PIEZO2: variants seen among roughly 807,000 people sequenced by gnomAD.
PIEZO2 encodes the protein piezo-type mechanosensitive ion channel component 2.
PIEZO2 carries 172 observed loss-of-function variants against 337.3 expected under a neutral mutation model. The observed-to-expected ratio is 0.51, with a 90% CI of 0.45 to 0.58. The LOEUF is 0.58. Among genes scored for constraint, PIEZO2 ranks in the 20% least tolerant of loss-of-function variants. PIEZO2 has a pLI of 0.00. For synonymous variants in PIEZO2, 1,251 were observed against 1,228.5 expected (o/e 1.02, Z -0.38); for missense variants, 3,028 against 3,391.3 (o/e 0.89, Z 2.66).
chr18:11,097,299 G>A lies in PIEZO2; in HGVS notation c.65-31077C>T, dbSNP rs1378841181. On this transcript the variant is annotated intron_variant, in intron 1 of 55. Coordinates refer to ENST00000674853, the MANE Select transcript of PIEZO2 (RefSeq NM_001378183.1). This position sits in a 1 kb window ranked among gnomAD's most constrained non-coding sequence, Gnocchi z 5.0. ...TGTCCATCAGTGAAGTTTTCTTGGA[G>A]CCAAGTCAGGCTCCTTCTTCTAAGT... Among the ~76,000 whole-genome samples, 1 of 152,154 alleles carries A rather than the reference G, an allele frequency of 6.6e-6. No individual in the cohort carries two copies. Among genetic ancestry groups the A allele is most frequent in the Non-Finnish European group, 1.5e-5 (1 of 68,028 alleles).
intron 3 of PIEZO2, among the ~76,000 whole-genome samples, chr18:10,949,734 C>G (rs141114329): frequency 7.9e-4 from 121 of 152,234 alleles, no homozygotes; most frequent in African/African-American, 2.7e-3. Flanking sequence ...CTTTCCAGAC[C>G]CTCTAAGAAG....
At chr18:10,754,454 C>T (rs1391181771) in intron 27 of PIEZO2, among the ~76,000 whole-genome samples, 3 of 152,186 alleles carry the variant, frequency 2.0e-5, no homozygotes, top group African/African-American at 4.8e-5. Context: ...TGAGTGGGGT[C>T]ACTTTTCTGG....
At chr18:10,890,985 CT>C (rs202101206) in intron 4 of PIEZO2, among the ~76,000 whole-genome samples, 7 of 151,674 alleles carry the variant, frequency 4.6e-5, no homozygotes, top group African/African-American at 7.3e-5. Context: ...GTAAGAGTAA[CT>C]TTTTTTTTCC....
chr18:10,730,032 T>C (rs1393804337), intron 36 of PIEZO2, among the ~76,000 whole-genome samples: 1 of 152,246 alleles, frequency 6.6e-6, no homozygotes, highest in Non-Finnish European at 1.5e-5. Flanking sequence ...TTTTTTGTTA[T>C]TAACAAATAG....
Position 10,766,756 on chromosome 18 carries a change from GT to G in PIEZO2, c.2946+3391del, listed in dbSNP as rs2038375451. Among the ~76,000 whole-genome samples the G allele has an allele frequency of 1.3e-5, 2 of 152,332 alleles. No individual in the cohort carries two copies. The highest frequency in any genetic ancestry group is 1.5e-5 in the Non-Finnish European group (1 of 68,034). On this transcript the variant is annotated intron_variant, in intron 21 of 55. Transcript: ENST00000674853. The surrounding 1 kb of genome is among the most constrained non-coding windows in gnomAD (Gnocchi z 6.1). The stretch of plus-strand genomic sequence containing the variant: ...AGCACAGCAGTTATTATCACTTTTA[GT>G]TTTATTTGGCAGCCATTCCCATCAG...
In PIEZO2 at chr18:10,775,239, G is replaced by A. The variant is rs937979913; in HGVS notation, c.2535-1201C>T. Among the ~76,000 whole-genome samples, 6 of 152,166 alleles carry A rather than the reference G, an allele frequency of 3.9e-5. No homozygotes were observed. The highest frequency in any genetic ancestry group is 1.4e-4 in the African/African-American group (6 of 41,448). ...AATTCATCCTCTCGACTTTGGAGAAGTTAGCTACTCTTAAAATTGCAACCC... is the reference window on the plus strand; with the variant it reads ...AATTCATCCTCTCGACTTTGGAGAAATTAGCTACTCTTAAAATTGCAACCC... On this transcript the variant is annotated intron_variant, in intron 18 of 55. Coordinates refer to ENST00000674853, the MANE Select transcript of PIEZO2 (RefSeq NM_001378183.1). The surrounding 1 kb of genome is among the most constrained non-coding windows in gnomAD (Gnocchi z 4.3).
intron 39 of PIEZO2, among the ~76,000 whole-genome samples, chr18:10,712,347 AT>A (rs1339879378): frequency 2.6e-5 from 4 of 152,208 alleles, no homozygotes; most frequent in South Asian, 2.1e-4. Flanking sequence ...CTAGACACGG[AT>A]TTTAAGTTTT....
At chr18:11,145,315 G>A (rs1033002854) in intron 1 of PIEZO2, among the ~76,000 whole-genome samples, 1 of 151,972 alleles carries the variant, frequency 6.6e-6, no homozygotes, top group African/African-American at 2.4e-5. Context: ...GAAGAGGCCT[G>A]AGTTCACTTA....
rs879836372 is a variant in PIEZO2 at position 11,003,622 on chromosome 18, C to A, written c.161-23962G>T. Reference sequence around the variant, plus strand: ...TAACCTGGAAGTTCAGGGCACCAGGCGGGCATCAGGCGGGCACCAGCCCTA... The same window carrying A: ...TAACCTGGAAGTTCAGGGCACCAGGAGGGCATCAGGCGGGCACCAGCCCTA... On this transcript the variant is annotated intron_variant, in intron 2 of 55. Transcript: ENST00000674853. The surrounding 1 kb of genome is among the most constrained non-coding windows in gnomAD (Gnocchi z 4.6). Among the ~76,000 whole-genome samples, 2 of 152,162 alleles carry A rather than the reference C, an allele frequency of 1.3e-5. No homozygotes were observed. The highest frequency in any genetic ancestry group is 3.8e-4 in the East Asian group (2 of 5,202).
chr18:10,889,322 T>C (rs1372535795), intron 4 of PIEZO2, among the ~76,000 whole-genome samples: 1 of 152,246 alleles, frequency 6.6e-6, no homozygotes, highest in Non-Finnish European at 1.5e-5. Context: ...TGCTGCCTAT[T>C]TAGTAGAAGT....
chr18:11,134,206 G>A (rs1331411016), intron 1 of PIEZO2, among the ~76,000 whole-genome samples: 1 of 152,202 alleles, frequency 6.6e-6, no homozygotes, highest in African/African-American at 2.4e-5. Context: ...GAGGATGCAG[G>A]ATGCTGTGTG....
chr18:11,086,505 C>T (rs112862420), intron 1 of PIEZO2, among the ~76,000 whole-genome samples: 6 of 144,092 alleles, frequency 4.2e-5, no homozygotes, highest in Non-Finnish European at 7.6e-5. Flanking sequence ...GGCAACAGAG[C>T]GAGACTCCGT....
chr18:11,144,955 T>C (rs1223274082), intron 1 of PIEZO2, among the ~76,000 whole-genome samples: 1 of 152,236 alleles, frequency 6.6e-6, no homozygotes, highest in African/African-American at 2.4e-5. Flanking sequence ...CACCAGTGCA[T>C]TCTTGACCGA....
chr18:10,875,507 G>A lies in PIEZO2; in HGVS notation c.330-4092C>T, dbSNP rs915588578. ...TGGGTGGCTGTTTCGGTGTGGGGCT[G>A]AGGTCAGGAGTAGTAGTAGGTTGGT... On this transcript the variant is annotated intron_variant, in intron 4 of 55. Coordinates refer to ENST00000674853, the MANE Select transcript of PIEZO2 (RefSeq NM_001378183.1). 2.6e-4 allele frequency among the ~76,000 whole-genome samples: 40 copies of A among 152,296 alleles called. 1 individual carries two copies. The highest frequency in any genetic ancestry group is 2.4e-3 in the Admixed American group (36 of 15,298).
At chr18:10,709,600 G>A (rs2035734481) in intron 39 of PIEZO2, 2 of 152,406 alleles carry the variant, frequency 1.3e-5, no homozygotes, top group East Asian at 1.9e-4. Flanking sequence ...TACACTGTTG[G>A]CCAAGGATCC....
intron 1 of PIEZO2, among the ~76,000 whole-genome samples, chr18:11,106,138 A>C (rs1012244167): frequency 4.0e-5 from 6 of 151,822 alleles, no homozygotes; most frequent in African/African-American, 1.5e-4. Flanking sequence ...CCCAGGCTGG[A>C]GTGCAGTGGT....
intron 1 of PIEZO2, among the ~76,000 whole-genome samples, chr18:11,095,746 C>T (rs1289660649): frequency 6.6e-6 from 1 of 152,186 alleles, no homozygotes; most frequent in Non-Finnish European, 1.5e-5. Flanking sequence ...TGGATCCTAA[C>T]TCAGGACTTC....
Position 10,803,917 on chromosome 18 carries a change from C to A in PIEZO2, c.1158G>T (p.Arg386=), listed in dbSNP as rs979431680. The stretch of plus-strand genomic sequence containing the variant: ...GGTAATGGGTTGCGTACCACAGGCT[C>A]CGCCTCCTCCCCGCTGTTATTTGGA... ...SPIQITAGRR[R]SLWYATHYPT... Residue 386 remains arginine, a synonymous_variant, in exon 9 of 56, where the codon CGG becomes CGT. Coordinates refer to ENST00000674853, the MANE Select transcript of PIEZO2 (RefSeq NM_001378183.1). 6.5e-7 allele frequency: 1 copy of A among 1,537,188 alleles called. No individual in the cohort carries two copies. The highest frequency in any genetic ancestry group is 1.4e-5 in the African/African-American group (1 of 73,062).
In PIEZO2 at chr18:10,834,587, C is replaced by T. The variant is rs1446803773; in HGVS notation, c.917+20766G>A. Among the ~76,000 whole-genome samples, 2 of 152,160 alleles carry T rather than the reference C, an allele frequency of 1.3e-5. No homozygotes were observed. Among genetic ancestry groups the T allele is most frequent in the Admixed American group, 6.5e-5 (1 of 15,270 alleles). On this transcript the variant is annotated intron_variant, in intron 7 of 55. Coordinates refer to ENST00000674853, the MANE Select transcript of PIEZO2 (RefSeq NM_001378183.1). The surrounding 1 kb of genome is among the most constrained non-coding windows in gnomAD (Gnocchi z 4.5). ...CCTGCTGGGTGTCAGGCACTTGACA[C>T]CCACAGCCTGTTTTAACACCTCTCT...
Sources: allele counts gnomAD v4.1 joint callset (sites outside exome capture counted in the v4.1 genomes callset), GRCh38; gene constraint gnomAD v4.1.1; non-coding constraint Gnocchi (gnomAD v3.1); transcripts MANE v1.5; gene names NCBI Gene and HGNC (gene_info 2026-07-23, HGNC 2026-07-21).